ADK: variants seen among roughly 807,000 people sequenced by gnomAD.
ADK encodes the protein N6,N6-dimethyladenosine kinase.
Under a neutral mutation model 44.7 loss-of-function variants are expected in ADK, and 24 were observed. The ratio of observed to expected loss-of-function variants is 0.54; its 90% CI spans 0.39 to 0.76. The LOEUF (loss-of-function observed/expected upper bound fraction) is 0.76, where lower values mean the gene tolerates loss of function less well. Ranked by LOEUF, ADK falls within the 30% of genes least tolerant of loss-of-function variation. The pLI, the probability that ADK is intolerant of heterozygous loss-of-function variation, is 0.00. For synonymous variants in ADK, 128 were observed against 142.6 expected, an observed-to-expected ratio of 0.90 and a Z score of 0.73; for missense variants, 321 against 425.1, an observed-to-expected ratio of 0.76 and a Z score of 2.15.
rs1380566222 is a variant in ADK at position 74,325,387 on chromosome 10, A to C, written c.273+10642A>C. On this transcript the variant is annotated intron_variant, in intron 4 of 10. Transcript: ENST00000539909. ...ATTAGTTCTGACAGTATTTTGGTAC[A>C]TTCTTTAGGGTTTTCTGTGTATGAG... 4.1e-4 allele frequency among the ~76,000 whole-genome samples: 63 copies of C among 152,190 alleles called. 1 individual carries two copies. The highest frequency in any genetic ancestry group is 7.3e-5 in the Non-Finnish European group (5 of 68,028).
chr10:74,632,730 G>T (rs1853486524), intron 9 of ADK, among the ~76,000 whole-genome samples: 1 of 151,982 alleles, frequency 6.6e-6, no homozygotes, highest in African/African-American at 2.4e-5. Flanking sequence ...ACATTCTAAG[G>T]TTCCAGATGG....
chr10:74,616,810 G>A (rs1324817879), intron 9 of ADK, among the ~76,000 whole-genome samples: 3 of 151,938 alleles, frequency 2.0e-5, no homozygotes, highest in Admixed American at 6.6e-5. Context: ...AAGTCAATTT[G>A]GAGAAAACTT....
At chr10:74,595,812 C>T (rs1359175572) in intron 8 of ADK, among the ~76,000 whole-genome samples, 2 of 145,422 alleles carry the variant, frequency 1.4e-5, no homozygotes, top group Non-Finnish European at 3.0e-5. Flanking sequence ...GCCTGGCCAA[C>T]ATGGTGAAAC....
At chr10:74,177,923 TTA>T (rs1192890268) in intron 1 of ADK, among the ~76,000 whole-genome samples, 2,202 of 130,252 alleles carry the variant, frequency 0.017, 28 homozygotes, top group Middle Eastern at 0.04. Context: ...AATTGCATAA[TTA>T]TATATATATA....
At chr10:74,181,432 A>G (rs1842554640) in intron 1 of ADK, among the ~76,000 whole-genome samples, 1 of 152,126 alleles carries the variant, frequency 6.6e-6, no homozygotes, top group Non-Finnish European at 1.5e-5. Context: ...AACAACTTAT[A>G]TCCTTTGTTA....
chr10:74,387,675 G>A (rs1006358699), intron 4 of ADK, among the ~76,000 whole-genome samples: 1 of 152,144 alleles, frequency 6.6e-6, no homozygotes, highest in African/African-American at 2.4e-5. Context: ...GTATTTTCCA[G>A]TAATATGCTG....
Position 74,702,571 on chromosome 10 carries a change from C to CCTTCCTTCCTTCCTTT in ADK, c.965-5748_965-5747insTCCTTCCTTCCTTTCT, listed in dbSNP as rs1554900319. On this transcript the variant is annotated intron_variant, in intron 10 of 10. Coordinates refer to ENST00000539909, the MANE Select transcript of ADK (RefSeq NM_006721.4). ...TCCTTCCTTCCTTCCTTCCTTCCTT[C>CCTTCCTTCCTTCCTTT]CTCTCTCTCTCTCTGGTCTCTTTCT... Among the ~76,000 whole-genome samples the CCTTCCTTCCTTCCTTT allele has an allele frequency of 6.9e-5, 10 of 144,218 alleles. No individual in the cohort carries two copies. In the South Asian group the frequency reaches 1.5e-3, roughly 22 times the overall value. The allele number at this position is 144,218 out of a possible 152,430, so 94.6% of individuals were successfully genotyped here.
At chr10:74,222,176 C>G (rs1814849381) in intron 2 of ADK, among the ~76,000 whole-genome samples, 1 of 152,062 alleles carries the variant, frequency 6.6e-6, no homozygotes, top group Non-Finnish European at 1.5e-5. Context: ...AAAAAACAAA[C>G]AACCCCATCA....
chr10:74,355,815 C>T (rs1842117872), intron 4 of ADK, among the ~76,000 whole-genome samples: 2 of 151,816 alleles, frequency 1.3e-5, no homozygotes, highest in African/African-American at 4.8e-5. Flanking sequence ...TGTTGGTAAA[C>T]ATTAGGTGCT....
At chr10:74,269,760 G>T (rs895464716) in intron 3 of ADK, among the ~76,000 whole-genome samples, 2 of 152,116 alleles carry the variant, frequency 1.3e-5, no homozygotes, top group African/African-American at 4.8e-5. Flanking sequence ...ACTTTGGGAG[G>T]CTAAGGCAGG....
At chr10:74,705,333 A>T (rs1039160530) in intron 10 of ADK, among the ~76,000 whole-genome samples, 3 of 152,318 alleles carry the variant, frequency 2.0e-5, no homozygotes, top group Admixed American at 2.0e-4. Flanking sequence ...GGTAGCCCAG[A>T]TTCTTCTGCT....
At chr10:74,178,441 T>C (rs1842424628) in intron 1 of ADK, among the ~76,000 whole-genome samples, 1 of 152,246 alleles carries the variant, frequency 6.6e-6, no homozygotes, top group African/African-American at 2.4e-5. Context: ...TAATTCCCCT[T>C]CTTCCCATTC....
intron 5 of ADK, among the ~76,000 whole-genome samples, chr10:74,395,196 C>G (rs1843465378): frequency 6.6e-6 from 1 of 152,132 alleles, no homozygotes; most frequent in African/African-American, 2.4e-5. Context: ...CATTCCCTAT[C>G]TCCTTTCTTT....
chr10:74,272,653 A>C (rs7079515), intron 3 of ADK, among the ~76,000 whole-genome samples: 6,838 of 152,284 alleles, frequency 0.045, 536 homozygotes, highest in African/African-American at 0.16. Flanking sequence ...AAATAGTGAT[A>C]TTGTATTGCT....
intron 4 of ADK, among the ~76,000 whole-genome samples, chr10:74,383,347 A>G (rs1205560044): frequency 1.3e-5 from 2 of 151,000 alleles, no homozygotes; most frequent in African/African-American, 2.4e-5. Flanking sequence ...ACTTTTTGGA[A>G]TACTGAACTT....
chr10:74,224,194 T>G (rs557272480), intron 2 of ADK, among the ~76,000 whole-genome samples: 5 of 152,242 alleles, frequency 3.3e-5, no homozygotes, highest in Admixed American at 6.5e-5. Flanking sequence ...ATATATTTAA[T>G]GAATGATTTA....
intron 7 of ADK, among the ~76,000 whole-genome samples, chr10:74,565,873 C>T (rs937268775): frequency 2.0e-5 from 3 of 150,656 alleles, no homozygotes; most frequent in Non-Finnish European, 4.4e-5. Flanking sequence ...AAATAAAATA[C>T]AAATTGGTTG....
intron 9 of ADK, among the ~76,000 whole-genome samples, chr10:74,605,224 A>G (rs1852276258): frequency 1.3e-5 from 2 of 152,186 alleles, no homozygotes; most frequent in African/African-American, 4.8e-5. Context: ...TCCTATTTGA[A>G]TACCCTTTAT....
chr10:74,660,697 T>C (rs1171100151), intron 9 of ADK, among the ~76,000 whole-genome samples: 1 of 122,206 alleles, frequency 8.2e-6, no homozygotes, highest in Non-Finnish European at 1.6e-5. Context: ...ACCACTGCAC[T>C]CCAGCCAGGG....
Sources: gnomAD v4.1 joint callset for allele counts (sites outside exome capture counted in the v4.1 genomes callset) on GRCh38, gnomAD v4.1.1 for gene constraint, MANE v1.5 for transcripts, NCBI Gene and HGNC (gene_info 2026-07-23, HGNC 2026-07-21) for gene names.